Variants in COL15A1 observed in about 807,000 individuals in gnomAD.
COL15A1 encodes the protein collagen alpha-1(XV) chain.
COL15A1 carries 111 observed loss-of-function variants against 165.9 expected under a neutral mutation model. The observed-to-expected ratio is 0.67, with a 90% CI of 0.57 to 0.78. The LOEUF is 0.78. Ranked by LOEUF, COL15A1 falls within the 30% of genes least tolerant of loss-of-function variation. The pLI, the probability that COL15A1 is intolerant of heterozygous loss-of-function variation, is 0.00. For missense variants in COL15A1, 1,745 were observed against 1,789.7 expected (o/e 0.98, Z 0.45); for synonymous variants, 659 against 674.8 (o/e 0.98, Z 0.36).
intron 39 of COL15A1, among the ~76,000 whole-genome samples, chr9:99,065,729 G>A (rs1240376181): frequency 6.7e-6 from 1 of 149,900 alleles, no homozygotes; most frequent in Non-Finnish European, 1.5e-5. Flanking sequence ...TGGAGCAGGT[G>A]GCAGCCTTGG....
intron 38 of COL15A1, 100 bp from the exon 39 acceptor site, chr9:99,062,950 A>G: frequency 4.2e-6 from 6 of 1,419,826 alleles, no homozygotes; most frequent in Non-Finnish European, 5.6e-6. Flanking sequence ...AATTATTTAA[A>G]GCATCTTCTC....
Position 99,003,318 on chromosome 9 carries a change from A to G in COL15A1, c.1066-135A>G, listed in dbSNP as rs546253480. 259 of 635,840 alleles carry G rather than the reference A, an allele frequency of 4.1e-4. 5 individuals are homozygous for G. In the South Asian group the frequency reaches 9.7e-3, roughly 24 times the overall value. 39.4% of individuals were successfully genotyped at this position (635,840 alleles called of 1,614,324 possible). On this transcript the variant is annotated intron_variant, in intron 7 of 41. Coordinates refer to ENST00000375001, the MANE Select transcript of COL15A1 (RefSeq NM_001855.5). ...CATCCCTGGATTTATGAAACCATAG[A>G]TGTGAAAGTCCTTGAGAGAAAGAAG...
At chr9:99,032,847 CTATTTA>C (rs1287827667) in intron 16 of COL15A1, among the ~76,000 whole-genome samples, 1 of 152,152 alleles carries the variant, frequency 6.6e-6, no homozygotes, top group African/African-American at 2.4e-5. Flanking sequence ...CGACAGTTTT[CTATTTA>C]TAATTTCCAA....
intron 9 of COL15A1, among the ~76,000 whole-genome samples, chr9:99,007,301 A>G (rs1480861990): frequency 6.6e-6 from 1 of 152,202 alleles, no homozygotes; most frequent in Non-Finnish European, 1.5e-5. Flanking sequence ...CTTAGTAGAT[A>G]CCTTTTAAAG....
At chr9:99,032,154 A>G (rs73503754) in intron 16 of COL15A1, among the ~76,000 whole-genome samples, 4,430 of 151,898 alleles carry the variant, frequency 0.029, 187 homozygotes, top group African/African-American at 0.1. Flanking sequence ...ATTCCTCTGC[A>G]TTGTTACTAA....
rs897089100 is a variant in COL15A1, at chr9:99,054,610, T to G, written c.2985T>G (p.Pro995=). 3 of 1,613,442 alleles carry G rather than the reference T, an allele frequency of 1.9e-6. No individual in the cohort carries two copies. The African/African-American group carries it at 4.0e-5, about 22-fold the overall frequency. The change falls in exon 32 of 42, where the codon CCT becomes CCG. Residue 995 remains proline (P), a synonymous_variant. Transcript: ENST00000375001. The part of the protein sequence containing the change: ...VKGEKGSWGL[P]GSKGEKGDQG... The stretch of plus-strand genomic sequence containing the variant: ...GAGAGAAAGGATCCTGGGGTCTTCC[T>G]GGCTCAAAGGGAGAAAAAGGCGACC...
chr9:99,052,382 T>C lies in COL15A1; in HGVS notation c.2905-6T>C. The C allele has an allele frequency of 3.1e-6, 5 of 1,610,370 alleles. No individual in the cohort carries two copies. The highest frequency in any genetic ancestry group is 4.2e-6 in the Non-Finnish European group (5 of 1,176,538). On this transcript the variant is annotated splice_polypyrimidine_tract_variant and splice_region_variant and intron_variant, in intron 30 of 41. Transcript: ENST00000375001. ...AGTGCCTAACCTGGCCTTCCTCTCTTTCCAGGTTGATACTGCTCATCCTGG... is the reference window on the plus strand; with the variant it reads ...AGTGCCTAACCTGGCCTTCCTCTCTCTCCAGGTTGATACTGCTCATCCTGG...
At chr9:98,959,536 T>C (rs1369052900) in intron 2 of COL15A1, among the ~76,000 whole-genome samples, 2 of 152,120 alleles carry the variant, frequency 1.3e-5, no homozygotes, top group African/African-American at 4.8e-5. Flanking sequence ...GAAATGAGGC[T>C]GCAGTGAGCT....
At chr9:99,003,619 C>T (rs1200699209) in intron 8 of COL15A1, 32 bp downstream of exon 8, 3 of 1,448,354 alleles carry the variant, frequency 2.1e-6, no homozygotes, top group South Asian at 1.5e-5. Flanking sequence ...CTCCCCTTCA[C>T]CTGTGTCTGG....
intron 3 of COL15A1, among the ~76,000 whole-genome samples, 182 bp from the exon 4 acceptor site, chr9:98,987,112 T>TC (rs1838328775): frequency 6.6e-6 from 1 of 151,660 alleles, no homozygotes; most frequent in Middle Eastern, 3.2e-3. Context: ...CCAAGGAGAG[T>TC]CCCCCCATAA....
intron 13 of COL15A1, 33 bp from the exon 14 acceptor site, chr9:99,023,324 A>G: frequency 6.4e-7 from 1 of 1,574,074 alleles, no homozygotes; most frequent in Middle Eastern, 1.7e-4. Flanking sequence ...CTGGCAGTTA[A>G]ATGCAAGTAG....
chr9:99,006,048 T>C (rs1435845906), intron 9 of COL15A1, among the ~76,000 whole-genome samples: 5 of 152,194 alleles, frequency 3.3e-5, no homozygotes, highest in Admixed American at 3.3e-4. Flanking sequence ...CTCTTCCTCA[T>C]ACCTCTTCCC....
At chr9:99,050,920 G>A (rs142451477) in intron 30 of COL15A1, among the ~76,000 whole-genome samples, 19 of 152,332 alleles carry the variant, frequency 1.2e-4, no homozygotes, top group African/African-American at 4.3e-4. Flanking sequence ...GCAGCTCAGG[G>A]CCTGGGAACT....
chr9:99,002,621 C>T (rs539138299), intron 7 of COL15A1, among the ~76,000 whole-genome samples: 3 of 152,298 alleles, frequency 2.0e-5, no homozygotes, highest in South Asian at 2.1e-4. Flanking sequence ...TTAGCTGACG[C>T]TGAGTTAGAA....
chr9:99,056,127 C>G (rs1825716540), intron 34 of COL15A1, 133 bp from the exon 35 acceptor site: 2 of 971,788 alleles, frequency 2.1e-6, no homozygotes, highest in African/African-American at 1.6e-5. Context: ...TTGAATTGTG[C>G]CCAAGATTGA....
At chr9:98,970,306 A>G (rs57336359) in intron 2 of COL15A1, among the ~76,000 whole-genome samples, 39,032 of 152,206 alleles carry the variant, frequency 0.26, 5,345 homozygotes, top group East Asian at 0.37. Context: ...CTTCCAATAG[A>G]GGGATCGTGG....
chr9:99,024,204 C>A (rs940076632), intron 14 of COL15A1, among the ~76,000 whole-genome samples: 1 of 151,744 alleles, frequency 6.6e-6, no homozygotes, highest in Non-Finnish European at 1.5e-5. Context: ...GCCAACCCAG[C>A]AATGGGCTAA....
chr9:99,025,856 G>T (rs377755857), intron 15 of COL15A1, 48 bp from the exon 16 acceptor site: 185 of 1,589,146 alleles, frequency 1.2e-4, no homozygotes, highest in Non-Finnish European at 1.5e-4. Flanking sequence ...GTGTGTATGT[G>T]ATATTTAGCA....
At chr9:98,959,242 A>C (rs528017268) in intron 2 of COL15A1, among the ~76,000 whole-genome samples, 1 of 151,584 alleles carries the variant, frequency 6.6e-6, no homozygotes, top group Admixed American at 6.6e-5. Flanking sequence ...AAAAAAAAAA[A>C]AAAAACTAAA....
Sources: gnomAD v4.1 joint callset for allele counts (sites outside exome capture counted in the v4.1 genomes callset) on GRCh38, gnomAD v4.1.1 for gene constraint, MANE v1.5 for transcripts, NCBI Gene and HGNC (gene_info 2026-07-23, HGNC 2026-07-21) for gene names.